HS3ST3B1: variants seen among roughly 807,000 people sequenced by gnomAD.
HS3ST3B1 encodes the protein heparan sulfate glucosamine 3-O-sulfotransferase 3B1.
Under a neutral mutation model 21.3 loss-of-function variants are expected in HS3ST3B1, and 13 were observed. That is an observed-to-expected ratio of 0.61 (90% CI 0.40 to 0.97). The LOEUF (loss-of-function observed/expected upper bound fraction) is 0.97. Among genes scored for constraint, HS3ST3B1 ranks in the 50% least tolerant of loss-of-function variants. HS3ST3B1 has a pLI of 0.00. For missense variants in HS3ST3B1, 459 were observed against 554.8 expected, an observed-to-expected ratio of 0.83 and a Z score of 1.73; for synonymous variants, 234 against 254.8, an observed-to-expected ratio of 0.92 and a Z score of 0.78.
At position 14,349,085 on chromosome 17, in the gene HS3ST3B1, GC is replaced by G. The variant is rs1297352566; in HGVS notation, c.*3440del. The G allele has an allele frequency of 1.9e-4, 29 of 152,284 alleles. No individual in the cohort carries two copies. The East Asian group carries it at 5.2e-3, about 27-fold the overall frequency. The allele number at this position is 152,284 out of a possible 1,614,324, so 9.4% of individuals were successfully genotyped here. On this transcript the variant is annotated 3_prime_UTR_variant, in exon 2 of 2. Coordinates refer to ENST00000360954, the MANE Select transcript of HS3ST3B1 (RefSeq NM_006041.3). ...ACGTATCTAAGATGCTGACACAGAA[GC>G]TAATGTGACTTTTCAGCTTATCAAG... is the stretch of plus-strand genomic sequence containing the variant.
Position 14,345,216 on chromosome 17 carries a change from TC to T in HS3ST3B1, c.747del (p.Thr250ProfsTer5). On this transcript the variant is annotated frameshift_variant, in exon 2 of 2. Coordinates refer to ENST00000360954, the MANE Select transcript of HS3ST3B1 (RefSeq NM_006041.3). LOFTEE classifies it high-confidence loss of function. ...YTQTLSKRPD[I>X]PTFESLTFKN... ...CAGACGCTGTCCAAGCGGCCCGACA[TC>T]CCCACCTTCGAGAGCTTGACGTTCA... 6.9e-7 allele frequency: 1 copy of T among 1,441,048 alleles called. No individual in the cohort carries two copies. Among genetic ancestry groups the T allele is most frequent in the Non-Finnish European group, 9.6e-7 (1 of 1,041,384 alleles). 89.3% of individuals were successfully genotyped at this position (1,441,048 alleles called of 1,614,324 possible). A position where few individuals can be genotyped will look rare whatever the true frequency, so the allele number is the denominator to read the frequency against.
intron 1 of HS3ST3B1, among the ~76,000 whole-genome samples, chr17:14,316,950 C>G (rs193060543): frequency 6.6e-6 from 1 of 152,348 alleles, no homozygotes; most frequent in African/African-American, 2.4e-5. Flanking sequence ...TTATTATCTC[C>G]TGATACACTT....
At chr17:14,343,225 G>C (rs1263415595) in intron 1 of HS3ST3B1, among the ~76,000 whole-genome samples, 1 of 150,300 alleles carries the variant, frequency 6.7e-6, no homozygotes, top group African/African-American at 2.4e-5. Context: ...CTGGGTGACA[G>C]AGCGAGACTC....
At chr17:14,344,454 T>A (rs145245746) in intron 1 of HS3ST3B1, among the ~76,000 whole-genome samples, 235 of 152,346 alleles carry the variant, frequency 1.5e-3, no homozygotes, top group African/African-American at 5.4e-3. Context: ...TTCACTGGAT[T>A]TTTTGGCTGC....
intron 1 of HS3ST3B1, among the ~76,000 whole-genome samples, chr17:14,342,532 C>T (rs945559223): frequency 3.3e-5 from 5 of 152,056 alleles, no homozygotes; most frequent in African/African-American, 1.2e-4. Context: ...GTGTATTGAG[C>T]AACTTAATAA....
Position 14,303,441 on chromosome 17 carries a change from G to C in HS3ST3B1, c.554+1369G>C, listed in dbSNP as rs1909012730. Among the ~76,000 whole-genome samples, 3 of 152,222 alleles carry C rather than the reference G, an allele frequency of 2.0e-5. No homozygotes were observed. Among genetic ancestry groups the C allele is most frequent in the Admixed American group, 1.3e-4 (2 of 15,282 alleles). On this transcript the variant is annotated intron_variant, in intron 1 of 1. Transcript: ENST00000360954. The surrounding 1 kb of genome is among the most constrained non-coding windows in gnomAD (Gnocchi z 5.7). ...CCTTAATGGTTTTTTATTATTGTCA[G>C]GAGTTGCCCAAGTCTCGAGGTTTAG...
intron 1 of HS3ST3B1, among the ~76,000 whole-genome samples, chr17:14,338,761 A>T (rs1440225911): frequency 6.6e-6 from 1 of 152,082 alleles, no homozygotes; most frequent in Non-Finnish European, 1.5e-5. Context: ...ACCTTTCTTG[A>T]AATATCCTTA....
chr17:14,327,237 C>T (rs1373832833), intron 1 of HS3ST3B1: 1 of 152,280 alleles, frequency 6.6e-6, no homozygotes, highest in Non-Finnish European at 1.5e-5. Context: ...CTTGGGAATG[C>T]AAACTAACTT....
At chr17:14,332,239 T>C (rs1217224207) in intron 1 of HS3ST3B1, among the ~76,000 whole-genome samples, 3 of 152,254 alleles carry the variant, frequency 2.0e-5, no homozygotes, top group East Asian at 3.9e-4. Context: ...GGTTAGTACA[T>C]TGGCTTTCGG....
At chr17:14,325,153 A>G (rs936050103) in intron 1 of HS3ST3B1, among the ~76,000 whole-genome samples, 2 of 152,212 alleles carry the variant, frequency 1.3e-5, no homozygotes, top group Non-Finnish European at 2.9e-5. Context: ...TATTAAGCCG[A>G]GGGGCTGGCA....
rs529493332 is a variant in HS3ST3B1 at position 14,342,934 on chromosome 17, G to A, written c.555-2094G>A. 2.6e-5 allele frequency among the ~76,000 whole-genome samples: 4 copies of A among 152,120 alleles called. No homozygotes were observed. In the South Asian group the frequency reaches 8.3e-4, roughly 32 times the overall value. ...GGTACAATATGATATTTTGATCTACGTTTACATTCTAGAAAGATTTAATCA... is the reference window on the plus strand; with the variant it reads ...GGTACAATATGATATTTTGATCTACATTTACATTCTAGAAAGATTTAATCA... On this transcript the variant is annotated intron_variant, in intron 1 of 1. Transcript: ENST00000360954.
chr17:14,345,808 A>C lies in HS3ST3B1; in HGVS notation c.*162A>C, dbSNP rs1331581093. On this transcript the variant is annotated 3_prime_UTR_variant, in exon 2 of 2. Transcript: ENST00000360954. The stretch of plus-strand genomic sequence containing the variant: ...ACACTCTTTAGAGAGTTAGCTTCAT[A>C]ATCTGTTAACATTCCAAAGTGTTTA... 3.3e-6 allele frequency: 3 copies of C among 908,900 alleles called. No individual in the cohort carries two copies. Among genetic ancestry groups the C allele is most frequent in the South Asian group, 2.3e-5 (1 of 43,870 alleles). 56.3% of individuals were successfully genotyped at this position (908,900 alleles called of 1,614,324 possible).
chr17:14,329,888 A>T (rs1212303061), intron 1 of HS3ST3B1, among the ~76,000 whole-genome samples: 2 of 152,256 alleles, frequency 1.3e-5, no homozygotes, highest in Non-Finnish European at 2.9e-5. Context: ...AGACATAAAG[A>T]GGGGGCACAA....
intron 1 of HS3ST3B1, among the ~76,000 whole-genome samples, chr17:14,313,914 AT>A (rs1273990628): frequency 6.6e-6 from 1 of 151,720 alleles, no homozygotes; most frequent in Non-Finnish European, 1.5e-5. Context: ...TCTTTTCAGT[AT>A]TATTTGAAAG....
chr17:14,344,947 G>T (rs1204871311), intron 1 of HS3ST3B1, 81 bp from the exon 2 acceptor site: 2 of 1,517,292 alleles, frequency 1.3e-6, no homozygotes. Flanking sequence ...GAGGGAGCTG[G>T]GATTAGAAGT....
rs1376598734 is a variant in HS3ST3B1 at position 14,313,092 on chromosome 17, TG to T, written c.554+11022del. On this transcript the variant is annotated intron_variant, in intron 1 of 1. Transcript: ENST00000360954. ...CAGCTAATTATTGTGTGTGTGTGTG[TG>T]GTGTGTGTGTGTGTGTATATATATA... Among the ~76,000 whole-genome samples the T allele has an allele frequency of 7.4e-5, 5 of 67,718 alleles. No homozygotes were observed. In the South Asian group the frequency reaches 2.2e-3, roughly 30 times the overall value. 44.4% of individuals were successfully genotyped at this position (67,718 alleles called of 152,430 possible).
At chr17:14,327,118 C>T (rs1015062137) in intron 1 of HS3ST3B1, among the ~76,000 whole-genome samples, 1 of 152,076 alleles carries the variant, frequency 6.6e-6, no homozygotes, top group African/African-American at 2.4e-5. Context: ...ACAACACACA[C>T]TGGCCATATC....
In HS3ST3B1 at chr17:14,303,425, T is replaced by C. The variant is rs1909012156; in HGVS notation, c.554+1353T>C. 6.6e-6 allele frequency among the ~76,000 whole-genome samples: 1 copy of C among 152,100 alleles called. No individual in the cohort carries two copies. The highest frequency in any genetic ancestry group is 1.5e-5 in the Non-Finnish European group (1 of 68,006). On this transcript the variant is annotated intron_variant, in intron 1 of 1. Transcript: ENST00000360954. This position sits in a 1 kb window ranked among gnomAD's most constrained non-coding sequence, Gnocchi z 5.7. ...ACCCCTTCCCCTTTGTCCTTAATGG[T>C]TTTTTATTATTGTCAGGAGTTGCCC...
At chr17:14,326,795 C>T (rs908124425) in intron 1 of HS3ST3B1, among the ~76,000 whole-genome samples, 2 of 151,920 alleles carry the variant, frequency 1.3e-5, no homozygotes, top group East Asian at 3.9e-4. Context: ...GTGGTGTGCA[C>T]CTGTAACCCC....
Sources: gnomAD v4.1 joint callset for allele counts (sites outside exome capture counted in the v4.1 genomes callset) on GRCh38, gnomAD v4.1.1 for gene constraint, Gnocchi (gnomAD v3.1) non-coding constraint, MANE v1.5 for transcripts, NCBI Gene and HGNC (gene_info 2026-07-23, HGNC 2026-07-21) for gene names.